TLE2: variants seen among roughly 807,000 people sequenced by gnomAD.
TLE2 encodes the protein transducin-like enhancer protein 2.
In TLE2, 74 loss-of-function variants were observed where a neutral mutation model predicts 97.2. That is an observed-to-expected ratio of 0.76 (90% CI 0.63 to 0.92). The LOEUF (loss-of-function observed/expected upper bound fraction) is 0.92, where lower values mean the gene tolerates loss of function less well. TLE2 is among the 40% of genes least tolerant of loss of function. The pLI is 0.00. For missense variants in TLE2, 1,038 were observed against 1,008.7 expected (o/e 1.03, Z -0.39); for synonymous variants, 499 against 432.1 (o/e 1.15, Z -1.92).
intron 5 of TLE2, among the ~76,000 whole-genome samples, chr19:3,024,041 G>A (rs1288187643): frequency 1.4e-5 from 2 of 147,806 alleles, no homozygotes; most frequent in African/African-American, 5.0e-5. Flanking sequence ...TCTCACCCAG[G>A]CTGGAGTGCA....
chr19:3,002,267 G>A (rs778811932), intron 18 of TLE2, 86 bp downstream of exon 18: 15 of 1,454,584 alleles, frequency 1.0e-5, no homozygotes, highest in Non-Finnish European at 1.4e-5. Flanking sequence ...AACATTATTT[G>A]TTATTTATCT....
chr19:3,029,104 C>G lies in TLE2; in HGVS notation c.-200G>C. On this transcript the variant is annotated 5_prime_UTR_variant, in exon 1 of 20. Coordinates refer to ENST00000262953, the MANE Select transcript of TLE2 (RefSeq NM_003260.5). ...GCCCGGGGTCGTGGGAGCCCCTCCC[C>G]GGGTTGGGGTGCGCGGGGCGAGCGG... 8.3e-7 allele frequency: 1 copy of G among 1,202,044 alleles called. No individual in the cohort carries two copies. The highest frequency in any genetic ancestry group is 1.6e-5 in the African/African-American group (1 of 62,408). The allele number at this position is 1,202,044 out of a possible 1,614,324, so 74.5% of individuals were successfully genotyped here.
chr19:3,013,856 G>A (rs990728583), intron 10 of TLE2, 38 bp from the exon 11 acceptor site: 1 of 1,456,552 alleles, frequency 6.9e-7, no homozygotes, highest in Non-Finnish European at 9.1e-7. Flanking sequence ...GAGTTGAAAT[G>A]AGAGGGAAAG....
At chr19:3,039,652 G>A (rs2090086099) in intron 1 of TLE2, among the ~76,000 whole-genome samples, 1 of 152,072 alleles carries the variant, frequency 6.6e-6, no homozygotes, top group Non-Finnish European at 1.5e-5. Flanking sequence ...GGTCTGCCCA[G>A]GCCCCAACAC....
intron 18 of TLE2, among the ~76,000 whole-genome samples, chr19:3,001,879 C>T (rs2145113261): frequency 6.7e-6 from 1 of 149,298 alleles, no homozygotes; most frequent in Non-Finnish European, 1.5e-5. Flanking sequence ...CTCACTGCGA[C>T]CTCCACCTCC....
intron 1 of TLE2, among the ~76,000 whole-genome samples, chr19:3,042,043 C>T (rs2038832858): frequency 6.6e-6 from 1 of 151,656 alleles, no homozygotes; most frequent in Admixed American, 6.6e-5. Context: ...TGTTCCCCGA[C>T]AGGCCCGGGC....
chr19:3,006,275 G>GTGA, intron 15 of TLE2, 145 bp downstream of exon 15: 1 of 1,331,094 alleles, frequency 7.5e-7, no homozygotes, highest in Non-Finnish European at 1.0e-6. Flanking sequence ...CTTGTCCCAT[G>GTGA]CGACTACGAG....
In TLE2 at chr19:3,005,768, G is replaced by A. The variant is rs555345741; in HGVS notation, c.1701C>T (p.Ser567=). The A allele has an allele frequency of 4.1e-4, 659 of 1,613,912 alleles. 13 individuals are homozygous for A. The South Asian group carries it at 6.7e-3, about 16-fold the overall frequency. The part of the protein sequence containing the change: ...PDAKVCFSCC[S]DGNIVVWDLQ... ...GGTCCCAGACCACAATGTTGCCATC[G>A]CTGCAGCAGGAGAAGCAAACCTTGG... Residue 567 remains serine (S), a synonymous_variant, in exon 16 of 20, where the codon AGC becomes AGT. Transcript: ENST00000262953.
At chr19:3,039,587 T>C (rs1356241107) in intron 1 of TLE2, among the ~76,000 whole-genome samples, 2 of 152,180 alleles carry the variant, frequency 1.3e-5, no homozygotes, top group Non-Finnish European at 2.9e-5. Flanking sequence ...TCCCTCAGTC[T>C]TCCGAGGCCT....
intron 8 of TLE2, among the ~76,000 whole-genome samples, chr19:3,016,310 T>A (rs563660020): frequency 6.9e-6 from 1 of 145,218 alleles, no homozygotes; most frequent in Non-Finnish European, 1.5e-5. Context: ...GCGCAGTGGC[T>A]CACGCCTATA....
At chr19:2,998,355 G>A (rs1446893383) in intron 19 of TLE2, among the ~76,000 whole-genome samples, 1 of 150,296 alleles carries the variant, frequency 6.7e-6, no homozygotes, top group East Asian at 2.0e-4. Context: ...TCTGCTCACT[G>A]CAACCTCCGC....
In TLE2 at chr19:3,006,612, C is replaced by T. The variant is rs1439378166; in HGVS notation, c.1308G>A (p.Ser436=). 16 of 1,610,514 alleles carry T rather than the reference C, an allele frequency of 9.9e-6. No individual in the cohort carries two copies. The highest frequency in any genetic ancestry group is 1.3e-5 in the African/African-American group (1 of 74,856). The change falls in exon 15 of 20, where the codon TCG becomes TCA. Residue 436 remains serine (S), a synonymous_variant. Transcript: ENST00000262953. ...GGATGCCCGCGCCTACCAGTGCATC[C>T]GAGGGGAAGGGAACCGGCTGCATCT... is the stretch of plus-strand genomic sequence containing the variant. ...DGQMQPVPFP[S]DALVGAGIPR... is the part of the protein sequence containing the mutation.
rs1432025558 is a variant in TLE2, at chr19:3,028,372, C to T, written c.133G>A (p.Glu45Lys). Residue 45 changes from glutamate to lysine, a missense_variant, in exon 3 of 20, where the codon GAA becomes AAA. Glu to Lys is a moderately conservative substitution (Grantham distance 56, BLOSUM62 1). Transcript: ENST00000262953. ...LQAQYHSLKL[E>K]CEKLASEKTE... is the part of the protein sequence containing the mutation. The stretch of plus-strand genomic sequence containing the variant: ...TTCTCGCTGGCCAGCTTCTCACATT[C>T]TAGCTTGAGGCTGAGAAGAAGAGAG... The T allele has an allele frequency of 1.9e-6, 3 of 1,607,218 alleles. No individual in the cohort carries two copies. Among genetic ancestry groups the T allele is most frequent in the Non-Finnish European group, 2.5e-6 (3 of 1,176,534 alleles).
In TLE2 at chr19:3,019,836, T is replaced by G; in HGVS notation, c.295-63A>C. 2 of 1,557,560 alleles carry G rather than the reference T, an allele frequency of 1.3e-6. No homozygotes were observed. The highest frequency in any genetic ancestry group is 2.3e-5 in the South Asian group (2 of 85,490). ...GCCCCTGCTCATGCTAGCGGTGCCC[T>G]TGGGGACCTGACCTCTCCCCGCCAC... On this transcript the variant is annotated intron_variant, in intron 5 of 19. Transcript: ENST00000262953. This position sits in a 1 kb window ranked among gnomAD's most constrained non-coding sequence, Gnocchi z 5.1.
intron 11 of TLE2, among the ~76,000 whole-genome samples, chr19:3,012,360 C>T (rs1049681564): frequency 4.6e-5 from 7 of 152,134 alleles, no homozygotes; most frequent in Non-Finnish European, 8.8e-5. Context: ...GCACTACAGG[C>T]ACACGACTCC....
chr19:3,006,716 C>G, intron 14 of TLE2, 47 bp from the exon 15 acceptor site: 1 of 1,506,672 alleles, frequency 6.6e-7, no homozygotes, highest in Non-Finnish European at 9.0e-7. Flanking sequence ...ACCACGCCCC[C>G]GCACCCGCAC....
chr19:3,017,826 T>A lies in TLE2; in HGVS notation c.570+14A>T. ...CAAGAATATAAAAAGAGTCCCAGGGTGCCACTCACTTACCCTGCTCGGGGC... is the reference window on the plus strand; with the variant it reads ...CAAGAATATAAAAAGAGTCCCAGGGAGCCACTCACTTACCCTGCTCGGGGC... On this transcript the variant is annotated intron_variant, in intron 8 of 19. Transcript: ENST00000262953. 6.2e-7 allele frequency: 1 copy of A among 1,610,834 alleles called. No homozygotes were observed. Among genetic ancestry groups the A allele is most frequent in the Non-Finnish European group, 8.5e-7 (1 of 1,178,532 alleles).
intron 19 of TLE2, among the ~76,000 whole-genome samples, chr19:2,999,389 T>A (rs915841390): frequency 6.6e-6 from 1 of 152,110 alleles, no homozygotes; most frequent in Non-Finnish European, 1.5e-5. Context: ...TTGGTGAGGA[T>A]GCAGAGAATT....
In TLE2 at chr19:3,029,132, C is replaced by A. The variant is rs1410046705; in HGVS notation, c.-228G>T. The A allele has an allele frequency of 3.7e-6, 4 of 1,067,724 alleles. No homozygotes were observed. Among genetic ancestry groups the A allele is most frequent in the Non-Finnish European group, 4.5e-6 (4 of 881,510 alleles). The allele number at this position is 1,067,724 out of a possible 1,614,324, so 66.1% of individuals were successfully genotyped here. A position where few individuals can be genotyped will look rare whatever the true frequency, so the allele number is the denominator to read the frequency against. Reference sequence around the variant, plus strand: ...GTTGGGGTGCGCGGGGCGAGCGGGGCGGGCAGGGGCAGCGGCCGGGGCGGG... The same window carrying A: ...GTTGGGGTGCGCGGGGCGAGCGGGGAGGGCAGGGGCAGCGGCCGGGGCGGG... On this transcript the variant is annotated 5_prime_UTR_variant, in exon 1 of 20. Coordinates refer to ENST00000262953, the MANE Select transcript of TLE2 (RefSeq NM_003260.5).
Sources: allele counts gnomAD v4.1 joint callset (sites outside exome capture counted in the v4.1 genomes callset), GRCh38; gene constraint gnomAD v4.1.1; non-coding constraint Gnocchi (gnomAD v3.1); transcripts MANE v1.5; gene names NCBI Gene and HGNC (gene_info 2026-07-23, HGNC 2026-07-21).